The following DNAI4 variants were observed in gnomAD, a reference collection of about 807,000 sequenced individuals.
The protein encoded by DNAI4 is WD repeat domain 78.
In DNAI4, 85 loss-of-function variants were observed where a neutral mutation model predicts 105.8. That is an observed-to-expected ratio of 0.80 (90% CI 0.67 to 0.96). The LOEUF is 0.96. Ranked by LOEUF, DNAI4 falls within the 40% of genes least tolerant of loss-of-function variation. The pLI is 0.00. For missense variants in DNAI4, 1,014 were observed against 1,005.6 expected, an observed-to-expected ratio of 1.01 and a Z score of -0.11; for synonymous variants, 352 against 331.5, an observed-to-expected ratio of 1.06 and a Z score of -0.67.
intron 8 of DNAI4, among the ~76,000 whole-genome samples, chr1:66,842,117 G>A (rs1320466743): frequency 6.6e-6 from 1 of 152,170 alleles, no homozygotes; most frequent in Non-Finnish European, 1.5e-5. Context: ...CATTTGCAGA[G>A]TAATAGGCAT....
chr1:66,883,477 C>T (rs1353906891), intron 4 of DNAI4, among the ~76,000 whole-genome samples: 2 of 151,990 alleles, frequency 1.3e-5, no homozygotes, highest in Non-Finnish European at 2.9e-5. Flanking sequence ...GGGGTTTTGC[C>T]ATGTTGGCCA....
intron 6 of DNAI4, among the ~76,000 whole-genome samples, chr1:66,869,724 TGCA>T (rs1455893770): frequency 6.6e-6 from 1 of 152,206 alleles, no homozygotes; most frequent in East Asian, 1.9e-4. Context: ...AGTTTAGATG[TGCA>T]GCAACAATGA....
At chr1:66,903,948 T>A (rs898945965) in intron 2 of DNAI4, among the ~76,000 whole-genome samples, 1 of 151,744 alleles carries the variant, frequency 6.6e-6, no homozygotes, top group Non-Finnish European at 1.5e-5. Flanking sequence ...AATATACATA[T>A]ATAATAAATA....
At chr1:66,843,342 G>A (rs1646195774) in intron 8 of DNAI4, among the ~76,000 whole-genome samples, 1 of 151,570 alleles carries the variant, frequency 6.6e-6, no homozygotes, top group Non-Finnish European at 1.5e-5. Flanking sequence ...TCTTCAGTGA[G>A]GTATCTCTTC....
intron 7 of DNAI4, among the ~76,000 whole-genome samples, chr1:66,858,359 C>A (rs981467357): frequency 2.6e-5 from 4 of 151,080 alleles, no homozygotes; most frequent in African/African-American, 7.3e-5. Context: ...GAAACCCCGT[C>A]TCTACTAAAA....
At chr1:66,869,060 G>A (rs1646788144) in intron 6 of DNAI4, among the ~76,000 whole-genome samples, 1 of 146,970 alleles carries the variant, frequency 6.8e-6, no homozygotes, top group African/African-American at 2.7e-5. Context: ...GCGACAGAGT[G>A]AGACTCTGTC....
At position 66,873,498 on chromosome 1, in the gene DNAI4, G is replaced by T. The variant is rs569674; in HGVS notation, c.800+1283C>A. On this transcript the variant is annotated intron_variant, in intron 5 of 16. Transcript: ENST00000371026. ...ACTCCTGGGCTCAAGCCATCCTCCT[G>T]CCTTGGCCTCCCAGAGTGCTGGGAT... is the stretch of plus-strand genomic sequence containing the variant. Among the ~76,000 whole-genome samples the T allele has an allele frequency of 8.0e-3, 1,212 of 152,224 alleles. 15 individuals are homozygous for T. The highest frequency in any genetic ancestry group is 0.028 in the African/African-American group (1,165 of 41,542).
At chr1:66,825,460 C>T (rs1157379069) in intron 15 of DNAI4, among the ~76,000 whole-genome samples, 2 of 152,082 alleles carry the variant, frequency 1.3e-5, no homozygotes, top group South Asian at 2.1e-4. Flanking sequence ...GGATTACAGG[C>T]GTGAGCCACC....
At chr1:66,873,511 A>G (rs1332788329) in intron 5 of DNAI4, among the ~76,000 whole-genome samples, 2 of 152,172 alleles carry the variant, frequency 1.3e-5, no homozygotes, top group African/African-American at 4.8e-5. Flanking sequence ...TTGGCCTCCC[A>G]GAGTGCTGGG....
rs1201768128 is a variant in DNAI4 at position 66,837,766 on chromosome 1, C to A, written c.1525G>T (p.Gly509Ter). ...DLLAVGYGHF[G>*]FKEQKRGLAC... ...AGTCCTCTTTTTTGCTCTTTAAATC[C>A]AAAGTGCCCATAGCCAACAGCCAAA... Residue 509 changes from glycine (G) to a stop codon, truncating the protein, a stop_gained, in exon 10 of 17, where the codon GGA (glycine) becomes TGA (stop). Coordinates refer to ENST00000371026, the MANE Select transcript of DNAI4 (RefSeq NM_024763.5). LOFTEE classifies it high-confidence loss of function. 1 of 1,608,406 alleles carries A rather than the reference C, an allele frequency of 6.2e-7. No individual in the cohort carries two copies. The highest frequency in any genetic ancestry group is 1.1e-5 in the South Asian group (1 of 88,878).
intron 6 of DNAI4, among the ~76,000 whole-genome samples, chr1:66,866,856 T>C (rs1312506079): frequency 2.0e-5 from 3 of 152,148 alleles, no homozygotes; most frequent in Non-Finnish European, 4.4e-5. Flanking sequence ...AAATTAAAAA[T>C]TACCAAGGGT....
chr1:66,818,587 T>C (rs1645563687), intron 16 of DNAI4, among the ~76,000 whole-genome samples: 1 of 152,192 alleles, frequency 6.6e-6, no homozygotes, highest in South Asian at 2.1e-4. Flanking sequence ...GAGTAATCTT[T>C]TGTACATATA....
chr1:66,905,918 C>CTTTTTTTTTT (rs34206774), intron 1 of DNAI4, among the ~76,000 whole-genome samples: 1 of 96,404 alleles, frequency 1.0e-5, no homozygotes, highest in African/African-American at 4.0e-5. Context: ...TTATATACTA[C>CTTTTTTTTTT]TTTTTTTTTT....
chr1:66,900,401 C>G (rs1387608611), intron 2 of DNAI4, among the ~76,000 whole-genome samples: 2 of 151,924 alleles, frequency 1.3e-5, no homozygotes, highest in African/African-American at 4.8e-5. Flanking sequence ...GCGCCTGGCC[C>G]CATATGAATT....
At chr1:66,894,235 A>G (rs1045004761) in intron 2 of DNAI4, among the ~76,000 whole-genome samples, 36 of 152,292 alleles carry the variant, frequency 2.4e-4, no homozygotes, top group African/African-American at 8.4e-4. Flanking sequence ...ACTGCCCCCA[A>G]AAAACCTTCC....
intron 1 of DNAI4, among the ~76,000 whole-genome samples, chr1:66,909,324 T>TCACA (rs1553231245): frequency 2.9e-5 from 1 of 33,948 alleles, no homozygotes; most frequent in African/African-American, 1.6e-4. Context: ...ACACACACAG[T>TCACA]CTCTCTTGAA....
Position 66,814,119 on chromosome 1 carries a change from G to A in DNAI4, c.*11C>T, listed in dbSNP as rs370372429. The A allele has an allele frequency of 1.3e-6, 2 of 1,584,202 alleles. No individual in the cohort carries two copies. The highest frequency in any genetic ancestry group is 1.7e-6 in the Non-Finnish European group (2 of 1,173,092). On this transcript the variant is annotated 3_prime_UTR_variant, in exon 17 of 17. Transcript: ENST00000371026. ...TAAAACAACTACAAGAAAAATATTA[G>A]GAATGATGAATTATGCTGATTGGTT...
chr1:66,871,295 T>C, intron 6 of DNAI4, 75 bp downstream of exon 6: 7 of 1,346,066 alleles, frequency 5.2e-6, no homozygotes, highest in Middle Eastern at 2.5e-4. Context: ...ATTTCAATAT[T>C]CACTTGTCGA....
intron 16 of DNAI4, among the ~76,000 whole-genome samples, chr1:66,816,878 A>G (rs1028993438): frequency 9.2e-5 from 14 of 151,712 alleles, no homozygotes; most frequent in Non-Finnish European, 1.6e-4. Context: ...CAAACACAAA[A>G]ATTAAGTATT....
Sources: allele counts gnomAD v4.1 joint callset (sites outside exome capture counted in the v4.1 genomes callset), GRCh38; gene constraint gnomAD v4.1.1; transcripts MANE v1.5; gene names NCBI Gene and HGNC (gene_info 2026-07-23, HGNC 2026-07-21).